Variants in FZD6 observed in about 807,000 individuals in gnomAD.
FZD6 encodes frizzled-6.
Under a neutral mutation model 61.4 loss-of-function variants are expected in FZD6, and 49 were observed. That is an observed-to-expected ratio of 0.80 (90% confidence interval 0.63 to 1.01). FZD6 has a LOEUF of 1.01. Ranked by LOEUF, FZD6 falls within the 50% of genes least tolerant of loss-of-function variation. The probability of loss-of-function intolerance (pLI) is 0.00; values close to 1 mark genes in which losing one functional copy is unlikely to be tolerated. For missense variants in FZD6, 724 were observed against 848.2 expected, an observed-to-expected ratio of 0.85 and a Z score of 1.82; for synonymous variants, 265 against 292.2, an observed-to-expected ratio of 0.91 and a Z score of 0.95.
At chr8:103,327,602 T>A (rs1473834715) in intron 4 of FZD6, among the ~76,000 whole-genome samples, 2 of 151,638 alleles carry the variant, frequency 1.3e-5, no homozygotes, top group Middle Eastern at 3.2e-3. Context: ...TCTCAAAAAA[T>A]AAAAATAAAA....
chr8:103,323,020 G>A (rs184467727), intron 3 of FZD6, among the ~76,000 whole-genome samples: 5 of 152,226 alleles, frequency 3.3e-5, no homozygotes, highest in African/African-American at 1.2e-4. Flanking sequence ...CACATCTGTC[G>A]ACATGGATAA....
chr8:103,311,705 G>T (rs1171331572), intron 2 of FZD6, among the ~76,000 whole-genome samples: 6 of 140,784 alleles, frequency 4.3e-5, no homozygotes, highest in Middle Eastern at 7.6e-3. Flanking sequence ...AAAAAAAAGT[G>T]TTAACTTACC....
chr8:103,317,388 C>G (rs189058842), intron 2 of FZD6, among the ~76,000 whole-genome samples: 2 of 152,114 alleles, frequency 1.3e-5, no homozygotes, highest in South Asian at 4.1e-4. Context: ...GATAAACTTA[C>G]GTTTTAAAGA....
At chr8:103,324,449 T>G in intron 3 of FZD6, 32 bp from the exon 4 acceptor site, 1 of 1,182,622 alleles carries the variant, frequency 8.5e-7, no homozygotes, top group Non-Finnish European at 1.2e-6. Flanking sequence ...AAAATGTTGA[T>G]TTCATATATT....
chr8:103,328,000 C>T (rs577929129), intron 4 of FZD6, among the ~76,000 whole-genome samples: 2 of 152,032 alleles, frequency 1.3e-5, no homozygotes, highest in East Asian at 1.9e-4. Flanking sequence ...GAAAAAAATG[C>T]GAGGAAATCA....
Position 103,328,404 on chromosome 8 carries a change from A to C in FZD6, c.1529A>C (p.Asn510Thr), listed in dbSNP as rs1393674469. The C allele has an allele frequency of 2.5e-6, 4 of 1,611,672 alleles. No individual in the cohort carries two copies. In the South Asian group the frequency reaches 4.4e-5, roughly 18 times the overall value. ...CTEWAGFFKR[N>T]RKRDPISESR... ...GAATGGGCTGGGTTTTTTAAACGAA[A>C]TCGCAAGAGAGAGTAAGAAACTATT... Residue 510 changes from asparagine to threonine, a missense_variant, in exon 5 of 7, where the codon AAT (asparagine) becomes ACT (threonine). By Grantham distance (65) the Asn-to-Thr change is moderately conservative (BLOSUM62 0). Transcript: ENST00000358755.
chr8:103,319,840 TGAA>T (rs1814731786), intron 3 of FZD6, among the ~76,000 whole-genome samples: 1 of 151,954 alleles, frequency 6.6e-6, no homozygotes, highest in Non-Finnish European at 1.5e-5. Flanking sequence ...TCACAGTAGG[TGAA>T]GGAGTGAAGA....
upstream of FZD6, chr8:103,298,587 C>T (rs1053581356): frequency 1.3e-5 from 2 of 152,160 alleles, no homozygotes; most frequent in African/African-American, 4.8e-5. Flanking sequence ...CCCTCCGGAC[C>T]CGGATAGCGA....
Position 103,328,373 on chromosome 8 carries a change from T to G in FZD6, c.1498T>G (p.Cys500Gly), listed in dbSNP as rs1815017698. The G allele has an allele frequency of 6.2e-7, 1 of 1,612,662 alleles. No individual in the cohort carries two copies. The highest frequency in any genetic ancestry group is 8.5e-7 in the Non-Finnish European group (1 of 1,178,926). ...AVFWVGSKKTCTEWAGFFKRN... is the reference protein window; with the variant it reads ...AVFWVGSKKTGTEWAGFFKRN... The stretch of plus-strand genomic sequence containing the variant: ...CTTCTGGGTTGGAAGCAAAAAGACA[T>G]GCACAGAATGGGCTGGGTTTTTTAA... The change falls in exon 5 of 7, where the codon TGC becomes GGC. Residue 500 changes from cysteine (C) to glycine (G), a missense_variant. Coordinates refer to ENST00000358755, the MANE Select transcript of FZD6 (RefSeq NM_003506.4).
intron 3 of FZD6, among the ~76,000 whole-genome samples, chr8:103,320,116 G>A (rs1220420200): frequency 6.6e-6 from 1 of 152,040 alleles, no homozygotes; most frequent in African/African-American, 2.4e-5. Flanking sequence ...GTAGGTTTGT[G>A]TGTTTGGTAA....
chr8:103,318,680 C>G lies in FZD6; in HGVS notation c.268C>G (p.His90Asp). 1 of 1,605,352 alleles carries G rather than the reference C, an allele frequency of 6.2e-7. No individual in the cohort carries two copies. Among genetic ancestry groups the G allele is most frequent in the Non-Finnish European group, 8.5e-7 (1 of 1,172,000 alleles). ...AFVPTCIEQI[H>D]VVPPCRKLCE... ...TGTACCAACCTGCATAGAACAAATT[C>G]ATGTGGTTCCACCTTGTCGTAAACT... is the stretch of plus-strand genomic sequence containing the variant. The change falls in exon 3 of 7, where the codon CAT becomes GAT. Residue 90 changes from histidine to aspartate, a missense_variant. His to Asp is a moderately conservative substitution (Grantham distance 81). Coordinates refer to ENST00000358755, the MANE Select transcript of FZD6 (RefSeq NM_003506.4).
chr8:103,304,636 A>G (rs1459318417), intron 2 of FZD6, among the ~76,000 whole-genome samples: 2 of 152,256 alleles, frequency 1.3e-5, no homozygotes, highest in African/African-American at 4.8e-5. Flanking sequence ...CAATATGCCA[A>G]CAAATGAGTG....
At chr8:103,309,283 G>T (rs1814429770) in intron 2 of FZD6, among the ~76,000 whole-genome samples, 2 of 152,250 alleles carry the variant, frequency 1.3e-5, no homozygotes, top group African/African-American at 4.8e-5. Flanking sequence ...ATATGCTGCT[G>T]TCCCTACTGG....
At position 103,329,867 on chromosome 8, in the gene FZD6, CTT is replaced by C; in HGVS notation, c.1756_1757del (p.Leu586AspfsTer20). 6.2e-7 allele frequency: 1 copy of C among 1,614,100 alleles called. No individual in the cohort carries two copies. Among genetic ancestry groups the C allele is most frequent in the Non-Finnish European group, 8.5e-7 (1 of 1,179,970 alleles). ...AGCCATGATTACCTAGGACAAGAAACTTTGACAGAAATCCAAACCTCACCAGA... is the reference window on the plus strand; with the variant it reads ...AGCCATGATTACCTAGGACAAGAAACTGACAGAAATCCAAACCTCACCAGA... On this transcript the variant is annotated frameshift_variant, in exon 6 of 7. Transcript: ENST00000358755. LOFTEE classifies it high-confidence loss of function.
rs1415509621 is a variant in FZD6, at chr8:103,325,462, T to A, written c.1356T>A (p.Asp452Glu). Residue 452 changes from aspartate to glutamate, a missense_variant, in exon 4 of 7, where the codon GAT (aspartate) becomes GAA (glutamate). By Grantham distance (45) the Asp-to-Glu change is conservative. Transcript: ENST00000358755. ...RITWEITWVS[D>E]HCRQYHIPCP... ...CCTGGGAGATAACTTGGGTCTCTGA[T>A]CATTGTCGTCAGTACCATATCCCAT... The A allele has an allele frequency of 1.9e-6, 3 of 1,613,584 alleles. No homozygotes were observed. Among genetic ancestry groups the A allele is most frequent in the Non-Finnish European group, 2.5e-6 (3 of 1,179,476 alleles).
intron 3 of FZD6, among the ~76,000 whole-genome samples, chr8:103,319,318 A>G (rs1265705094): frequency 1.3e-5 from 2 of 152,204 alleles, no homozygotes; most frequent in African/African-American, 4.8e-5. Context: ...AGCTGGAGTG[A>G]TGAGAGTGAG....
At position 103,324,597 on chromosome 8, in the gene FZD6, A is replaced by G. The variant is rs774570399; in HGVS notation, c.491A>G (p.His164Arg). The G allele has an allele frequency of 6.2e-6, 10 of 1,614,102 alleles. No homozygotes were observed. The highest frequency in any genetic ancestry group is 7.6e-6 in the Non-Finnish European group (9 of 1,179,918). ...QRDIGFWCPRHLKTSGGQGYK... is the reference protein window; with the variant it reads ...QRDIGFWCPRRLKTSGGQGYK... ...GACATTGGATTTTGGTGTCCAAGGC[A>G]TCTTAAGACTTCTGGGGGACAAGGA... The change falls in exon 4 of 7, where the codon CAT becomes CGT. Residue 164 changes from histidine to arginine, a missense_variant. His to Arg is a conservative substitution (Grantham distance 29, BLOSUM62 0). Coordinates refer to ENST00000358755, the MANE Select transcript of FZD6 (RefSeq NM_003506.4).
intron 2 of FZD6, among the ~76,000 whole-genome samples, chr8:103,317,152 C>T (rs1035317141): frequency 2.0e-5 from 3 of 152,186 alleles, no homozygotes; most frequent in African/African-American, 7.2e-5. Context: ...GCACAAGACT[C>T]ACTATCTGGG....
At chr8:103,317,189 C>T (rs1264685466) in intron 2 of FZD6, among the ~76,000 whole-genome samples, 1 of 152,134 alleles carries the variant, frequency 6.6e-6, no homozygotes, top group Non-Finnish European at 1.5e-5. Flanking sequence ...ACAGCAAGTG[C>T]AAAGACTCTG....
Sources: gnomAD v4.1 joint callset for allele counts (sites outside exome capture counted in the v4.1 genomes callset) on GRCh38, gnomAD v4.1.1 for gene constraint, MANE v1.5 for transcripts, NCBI Gene and HGNC (gene_info 2026-07-23, HGNC 2026-07-21) for gene names.